Variants in GRXCR2 observed in about 807,000 individuals in gnomAD.
GRXCR2 encodes glutaredoxin and cysteine rich domain containing 2, also known as glutaredoxin domain-containing cysteine-rich protein 2.
In GRXCR2, 23 loss-of-function variants were observed where a neutral mutation model predicts 24.8. The ratio of observed to expected loss-of-function variants is 0.93; its 90% CI spans 0.67 to 1.32. The LOEUF (loss-of-function observed/expected upper bound fraction) is 1.32, where lower values mean the gene tolerates loss of function less well. Ranked by LOEUF, GRXCR2 falls within the 40% of genes most tolerant of loss-of-function variation. GRXCR2 has a pLI of 0.00. For missense variants in GRXCR2, 315 were observed against 303.4 expected (o/e 1.04, Z -0.28); for synonymous variants, 130 against 116.1 (o/e 1.12, Z -0.77).
At chr5:145,930,818 C>G (rs1479166786) in intron 2 of GRXCR2, among the ~76,000 whole-genome samples, 1 of 152,166 alleles carries the variant, frequency 6.6e-6, no homozygotes, top group East Asian at 1.9e-4. Context: ...AAGCCTACAT[C>G]TATTAAGCAC....
At chr5:145,885,975 G>A (rs1042222675) in intron 2 of GRXCR2, among the ~76,000 whole-genome samples, 2 of 152,228 alleles carry the variant, frequency 1.3e-5, no homozygotes, top group Admixed American at 6.5e-5. Flanking sequence ...CCACAGTCAT[G>A]AAATGTCAGT....
At chr5:145,930,923 A>G (rs1179034417) in intron 2 of GRXCR2, among the ~76,000 whole-genome samples, 1 of 152,236 alleles carries the variant, frequency 6.6e-6, no homozygotes, top group African/African-American at 2.4e-5. Flanking sequence ...TCCAAGGAAC[A>G]GAGGAAGAGA....
At chr5:145,897,559 T>A (rs1267890055) in intron 2 of GRXCR2, among the ~76,000 whole-genome samples, 1 of 152,074 alleles carries the variant, frequency 6.6e-6, no homozygotes, top group East Asian at 1.9e-4. Context: ...ATTGACCATA[T>A]TCTCAGCCAT....
At chr5:145,884,624 A>G (rs971974023) in intron 2 of GRXCR2, among the ~76,000 whole-genome samples, 1 of 145,176 alleles carries the variant, frequency 6.9e-6, no homozygotes, top group Admixed American at 6.6e-5. Context: ...CACAAAGTAA[A>G]AATGAAAAAA....
intron 2 of GRXCR2, among the ~76,000 whole-genome samples, chr5:145,886,458 A>G (rs1756781571): frequency 6.6e-6 from 1 of 152,208 alleles, no homozygotes; most frequent in Admixed American, 6.5e-5. Flanking sequence ...CCTGCCAGAA[A>G]CCACAGGCCA....
intron 2 of GRXCR2, among the ~76,000 whole-genome samples, chr5:145,913,341 T>C (rs1757192277): frequency 2.0e-5 from 3 of 152,176 alleles, no homozygotes; most frequent in Admixed American, 2.0e-4. Context: ...TAGGATCCAC[T>C]TCTCTTTCTT....
chr5:145,931,328 G>A (rs984707595), intron 2 of GRXCR2, among the ~76,000 whole-genome samples: 1 of 152,136 alleles, frequency 6.6e-6, no homozygotes, highest in Non-Finnish European at 1.5e-5. Context: ...CACTGCACCT[G>A]GCCCAAAACC....
chr5:145,895,318 T>C (rs1022392242), intron 2 of GRXCR2, among the ~76,000 whole-genome samples: 6 of 151,990 alleles, frequency 3.9e-5, no homozygotes, highest in African/African-American at 1.4e-4. Flanking sequence ...TAAAGAGTAT[T>C]CGACTAGGAA....
chr5:145,911,190 G>A (rs1757161354), intron 2 of GRXCR2, among the ~76,000 whole-genome samples: 1 of 152,166 alleles, frequency 6.6e-6, no homozygotes, highest in South Asian at 2.1e-4. Context: ...AGCACCTCGA[G>A]TTAACATTTT....
At chr5:145,897,227 T>G (rs548319212) in intron 2 of GRXCR2, among the ~76,000 whole-genome samples, 1 of 147,958 alleles carries the variant, frequency 6.8e-6, no homozygotes, top group South Asian at 2.2e-4. Flanking sequence ...TGTATACGTA[T>G]GTAACAAACC....
intron 2 of GRXCR2, among the ~76,000 whole-genome samples, chr5:145,878,227 G>A (rs1386916049): frequency 6.6e-6 from 1 of 152,148 alleles, no homozygotes; most frequent in Non-Finnish European, 1.5e-5. Context: ...GCTTCAGAAG[G>A]CTGGTAATAA....
At chr5:145,860,405 G>A (rs1015126636) in intron 2 of GRXCR2, among the ~76,000 whole-genome samples, 1 of 152,130 alleles carries the variant, frequency 6.6e-6, no homozygotes, top group African/African-American at 2.4e-5. Context: ...ATACTGAGAA[G>A]TTGTTTGCCA....
chr5:145,885,795 G>A (rs999240518), intron 2 of GRXCR2, among the ~76,000 whole-genome samples: 4 of 152,182 alleles, frequency 2.6e-5, no homozygotes, highest in Non-Finnish European at 5.9e-5. Context: ...AGGAGATGCT[G>A]TTCTGAAAGG....
chr5:145,864,914 G>C (rs1756402279), intron 2 of GRXCR2, among the ~76,000 whole-genome samples: 1 of 152,146 alleles, frequency 6.6e-6, no homozygotes, highest in African/African-American at 2.4e-5. Context: ...GGAACTTTCA[G>C]AACCTTTTGC....
chr5:145,879,697 C>T (rs894623166), intron 2 of GRXCR2, among the ~76,000 whole-genome samples: 15 of 152,084 alleles, frequency 9.9e-5, no homozygotes, highest in South Asian at 2.1e-4. Flanking sequence ...CTGCACCAAG[C>T]GGGCCTAATA....
intron 2 of GRXCR2, among the ~76,000 whole-genome samples, chr5:145,883,112 G>A (rs1756726556): frequency 6.6e-6 from 1 of 151,774 alleles, no homozygotes; most frequent in Non-Finnish European, 1.5e-5. Context: ...CATGGCACAT[G>A]TATACATATG....
intron 2 of GRXCR2, among the ~76,000 whole-genome samples, chr5:145,900,615 C>T (rs758548937): frequency 3.8e-4 from 58 of 152,136 alleles, no homozygotes; most frequent in Admixed American, 9.8e-4. Context: ...GTCAGAATGG[C>T]AATTATTAAA....
At chr5:145,898,539 A>T (rs566559757) in intron 2 of GRXCR2, among the ~76,000 whole-genome samples, 1 of 152,320 alleles carries the variant, frequency 6.6e-6, no homozygotes, top group Non-Finnish European at 1.5e-5. Flanking sequence ...CCTTTAAAAA[A>T]TACTAGCAAA....
chr5:145,870,318 T>G (rs938544740), intron 1 of GRXCR2, among the ~76,000 whole-genome samples: 4 of 152,166 alleles, frequency 2.6e-5, no homozygotes, highest in African/African-American at 9.6e-5. Context: ...CTCAAATAAG[T>G]GCAATCATAC....
Sources: allele counts gnomAD v4.1 joint callset (sites outside exome capture counted in the v4.1 genomes callset), GRCh38; gene constraint gnomAD v4.1.1; transcripts MANE v1.5; gene names NCBI Gene and HGNC (gene_info 2026-07-23, HGNC 2026-07-21).